Variants in FIP1L1 observed in about 807,000 individuals in gnomAD.
FIP1L1 encodes pre-mRNA 3'-end-processing factor FIP1.
Under a neutral mutation model 84.6 loss-of-function variants are expected in FIP1L1, and 21 were observed. The ratio of observed to expected loss-of-function variants is 0.25; its 90% confidence interval spans 0.18 to 0.36. FIP1L1 has a LOEUF of 0.36. Among genes scored for constraint, FIP1L1 ranks in the 10% least tolerant of loss-of-function variants. The pLI, the probability that FIP1L1 is intolerant of heterozygous loss-of-function variation, is 1.00. For synonymous variants in FIP1L1, 263 were observed against 242.3 expected (o/e 1.09, Z -0.80); for missense variants, 526 against 751.1 (o/e 0.70, Z 3.50).
At chr4:53,399,026 C>T (rs542288404) in intron 9 of FIP1L1, among the ~76,000 whole-genome samples, 6 of 152,228 alleles carry the variant, frequency 3.9e-5, no homozygotes, top group African/African-American at 1.2e-4. Context: ...TGGTGCACAC[C>T]TGTAATCCCA....
intron 8 of FIP1L1, 87 bp downstream of exon 8, chr4:53,391,226 T>G: frequency 7.1e-7 from 1 of 1,411,212 alleles, no homozygotes; most frequent in Non-Finnish European, 9.7e-7. Context: ...ATAAAAGTGG[T>G]TAAATGCTAT....
intron 15 of FIP1L1, among the ~76,000 whole-genome samples, chr4:53,451,282 C>A (rs1715753643): frequency 6.6e-6 from 1 of 151,274 alleles, no homozygotes; most frequent in African/African-American, 2.4e-5. Flanking sequence ...GAAAGCTACT[C>A]ATTTTCGATC....
intron 10 of FIP1L1, among the ~76,000 whole-genome samples, chr4:53,410,450 C>G (rs1756611436): frequency 6.6e-6 from 1 of 152,188 alleles, no homozygotes; most frequent in African/African-American, 2.4e-5. Flanking sequence ...TGTAAAACTT[C>G]TGGAACTACC....
intron 10 of FIP1L1, among the ~76,000 whole-genome samples, chr4:53,406,642 A>G (rs1461371530): frequency 1.3e-5 from 2 of 151,524 alleles, no homozygotes. Flanking sequence ...CTGGTCCTGG[A>G]CTCTTTTTGG....
In FIP1L1 at chr4:53,444,101, A is replaced by G. The variant is rs768950132; in HGVS notation, c.1283A>G (p.Asn428Ser). The G allele has an allele frequency of 3.7e-5, 59 of 1,591,318 alleles. No homozygotes were observed. The highest frequency in any genetic ancestry group is 1.9e-4 in the South Asian group (17 of 90,668). Residue 428 changes from asparagine (N) to serine (S), a missense_variant and splice_region_variant, in exon 15 of 18, where the codon AAT (asparagine) becomes AGT (serine). This residue lies in a region of FIP1L1 where 83 missense variants were observed against 93.8 expected (regional missense o/e 0.88). Transcript: ENST00000337488. ...SRSARAFPYGNVAFPHLPGSA... is the reference protein window; with the variant it reads ...SRSARAFPYGSVAFPHLPGSA... ...TCTGCACGTGCATTTCCATATGGCA[A>G]TGGTAAGTAGTATTATTTAGATGCC...
At chr4:53,418,913 G>A (rs1760985792) in intron 11 of FIP1L1, among the ~76,000 whole-genome samples, 1 of 152,182 alleles carries the variant, frequency 6.6e-6, no homozygotes, top group East Asian at 1.9e-4. Context: ...ATGAGACACT[G>A]TACTGAAAAG....
At chr4:53,434,658 G>A (rs1768278182) in intron 13 of FIP1L1, among the ~76,000 whole-genome samples, 1 of 151,996 alleles carries the variant, frequency 6.6e-6, no homozygotes, top group Admixed American at 6.6e-5. Flanking sequence ...TTTAGAGATG[G>A]GGTTTCTCCA....
intron 15 of FIP1L1, among the ~76,000 whole-genome samples, chr4:53,446,200 T>C (rs1258338798): frequency 6.1e-5 from 5 of 81,566 alleles, no homozygotes; most frequent in East Asian, 5.3e-4. Context: ...CCTTCTCCCC[T>C]TTTTTTTTTG....
At chr4:53,394,595 T>G (rs1391383056) in intron 9 of FIP1L1, among the ~76,000 whole-genome samples, 1 of 152,192 alleles carries the variant, frequency 6.6e-6, no homozygotes, top group Non-Finnish European at 1.5e-5. Flanking sequence ...TTGTCTTTGC[T>G]TTCTCATCGC....
chr4:53,449,260 G>A (rs1775448607), intron 15 of FIP1L1, among the ~76,000 whole-genome samples: 1 of 151,778 alleles, frequency 6.6e-6, no homozygotes, highest in Non-Finnish European at 1.5e-5. Context: ...TTACTGTTAG[G>A]TTTTTGATAG....
chr4:53,392,227 T>A (rs954916433), intron 9 of FIP1L1, among the ~76,000 whole-genome samples: 5 of 152,250 alleles, frequency 3.3e-5, no homozygotes, highest in African/African-American at 1.2e-4. Flanking sequence ...TTGACTCTTA[T>A]ATTGAATGAC....
At chr4:53,379,355 G>C (rs1736556201) in intron 3 of FIP1L1, 91 bp downstream of exon 3, 36 of 1,114,208 alleles carry the variant, frequency 3.2e-5, no homozygotes, top group Non-Finnish European at 4.4e-5. Context: ...ACAATCATTG[G>C]CTTCATTACA....
At chr4:53,435,765 T>A (rs1344246537) in intron 13 of FIP1L1, among the ~76,000 whole-genome samples, 1 of 152,240 alleles carries the variant, frequency 6.6e-6, no homozygotes, top group African/African-American at 2.4e-5. Flanking sequence ...ATAATGGTTT[T>A]GCCATATTCT....
At chr4:53,433,106 G>A (rs1168949935) in intron 13 of FIP1L1, among the ~76,000 whole-genome samples, 1 of 152,168 alleles carries the variant, frequency 6.6e-6, no homozygotes, top group Non-Finnish European at 1.5e-5. Context: ...ATGTTATAGG[G>A]TAGGTGATTT....
Position 53,460,717 on chromosome 4 carries a change from C to G in FIP1L1, c.*1268C>G. 1 of 537,900 alleles carries G rather than the reference C, an allele frequency of 1.9e-6. No homozygotes were observed. 33.3% of individuals were successfully genotyped at this position (537,900 alleles called of 1,614,324 possible). A position where few individuals can be genotyped will look rare whatever the true frequency, so the allele number is the denominator to read the frequency against. ...AGAAATCCTCCACACTGAAAAAAAA[C>G]TAGTAGTTTTAATTTTTTTGGAATC... On this transcript the variant is annotated 3_prime_UTR_variant, in exon 18 of 18. Coordinates refer to ENST00000337488, the MANE Select transcript of FIP1L1 (RefSeq NM_030917.4).
At chr4:53,420,117 G>C (rs976112239) in intron 11 of FIP1L1, among the ~76,000 whole-genome samples, 2 of 136,932 alleles carry the variant, frequency 1.5e-5, no homozygotes, top group African/African-American at 5.2e-5. Flanking sequence ...AGAATGGCGT[G>C]AACCCGGGAG....
At chr4:53,408,631 C>G (rs1215246172) in intron 10 of FIP1L1, among the ~76,000 whole-genome samples, 1 of 152,202 alleles carries the variant, frequency 6.6e-6, no homozygotes, top group African/African-American at 2.4e-5. Flanking sequence ...TTCAGGTACA[C>G]CAATCAGATG....
chr4:53,437,118 G>T (rs1769594992), intron 13 of FIP1L1, among the ~76,000 whole-genome samples: 1 of 152,000 alleles, frequency 6.6e-6, no homozygotes, highest in Non-Finnish European at 1.5e-5. Context: ...CTTGAGCCCA[G>T]GAGTTTGAGA....
At chr4:53,411,188 G>A (rs1251273743) in intron 10 of FIP1L1, among the ~76,000 whole-genome samples, 2 of 152,142 alleles carry the variant, frequency 1.3e-5, no homozygotes, top group Non-Finnish European at 2.9e-5. Flanking sequence ...ATTTACTTGA[G>A]GGAGTTATTG....
Sources: allele counts gnomAD v4.1 joint callset (sites outside exome capture counted in the v4.1 genomes callset), GRCh38; gene constraint gnomAD v4.1.1; regional missense constraint gnomAD v4.1.1; transcripts MANE v1.5; gene names NCBI Gene and HGNC (gene_info 2026-07-23, HGNC 2026-07-21).